The following NFATC3 variants were observed in gnomAD, a reference collection of about 807,000 sequenced individuals.
NFATC3 encodes the protein nuclear factor of activated T-cells, cytoplasmic 3.
A neutral mutation model predicts 98.6 loss-of-function variants in NFATC3; 46 were observed. The ratio of observed to expected loss-of-function variants is 0.47; its 90% CI spans 0.37 to 0.60. The LOEUF is 0.60. NFATC3 is among the 20% of genes least tolerant of loss of function. The pLI is 0.00. For synonymous variants in NFATC3, 512 were observed against 472.2 expected, an observed-to-expected ratio of 1.08 and a Z score of -1.09; for missense variants, 1,256 against 1,295.5, an observed-to-expected ratio of 0.97 and a Z score of 0.47.
intron 1 of NFATC3, 43 bp downstream of exon 1, chr16:68,085,827 T>A: frequency 1.5e-6 from 2 of 1,348,044 alleles, no homozygotes; most frequent in Non-Finnish European, 1.9e-6. Context: ...ACCCCGCTTC[T>A]CGCTCGCAGG....
At chr16:68,166,180 C>A (rs2039184055) in intron 4 of NFATC3, among the ~76,000 whole-genome samples, 1 of 152,204 alleles carries the variant, frequency 6.6e-6, no homozygotes, top group African/African-American at 2.4e-5. Context: ...TTTCAGCTGT[C>A]TGGTTCTAAC....
At chr16:68,186,313 G>A (rs1328192770) in intron 8 of NFATC3, among the ~76,000 whole-genome samples, 1 of 151,950 alleles carries the variant, frequency 6.6e-6, no homozygotes, top group Non-Finnish European at 1.5e-5. Context: ...CACTTTGGGT[G>A]GATCACGAGG....
rs1316415463 is a variant in NFATC3, at chr16:68,126,590, G to C, written c.1381G>C (p.Gly461Arg). 1.2e-6 allele frequency: 2 copies of C among 1,614,130 alleles called. No homozygotes were observed. Among genetic ancestry groups the C allele is most frequent in the Non-Finnish European group, 1.7e-6 (2 of 1,180,012 alleles). Residue 461 changes from glycine to arginine, a missense_variant, in exon 3 of 10, where the codon GGG (glycine) becomes CGG (arginine). Gly to Arg is a moderately radical substitution (Grantham distance 125). This residue lies in a region of NFATC3 where 156 missense variants were observed against 212.4 expected (regional missense o/e 0.73). Transcript: ENST00000346183. ...GSRGAVKAST[G>R]GHPVVKLLGY... ...CCGAGGGGCAGTAAAAGCATCTACT[G>C]GGGGACATCCTGTTGTGAAGGTATG...
chr16:68,226,283 A>T, intron 9 of NFATC3, 67 bp from the exon 10 acceptor site: 1 of 1,513,846 alleles, frequency 6.6e-7, no homozygotes, highest in East Asian at 2.7e-5. Context: ...GGTAGAGCTC[A>T]GCGTTGGGCA....
chr16:68,206,291 A>G (rs1240853303), intron 9 of NFATC3, among the ~76,000 whole-genome samples: 1 of 152,232 alleles, frequency 6.6e-6, no homozygotes, highest in Admixed American at 6.5e-5. Context: ...TGTATAGCTA[A>G]GTGGCATTAA....
chr16:68,087,283 A>C (rs750413627), intron 1 of NFATC3, among the ~76,000 whole-genome samples: 1 of 152,268 alleles, frequency 6.6e-6, no homozygotes, highest in Non-Finnish European at 1.5e-5. Context: ...TGTTAACCAA[A>C]CATATGAATA....
intron 3 of NFATC3, chr16:68,138,466 T>A (rs771925405): frequency 3.0e-4 from 376 of 1,246,910 alleles, no homozygotes; most frequent in Non-Finnish European, 3.6e-4. Context: ...ACCAAAAAAA[T>A]TTTTTAAAAG....
intron 1 of NFATC3, among the ~76,000 whole-genome samples, chr16:68,104,402 A>G (rs528517086): frequency 4.2e-4 from 64 of 152,210 alleles, no homozygotes; most frequent in African/African-American, 1.5e-3. Context: ...GAATTCATTT[A>G]TTAGCTGTAG....
intron 3 of NFATC3, chr16:68,138,884 G>A (rs2037596172): frequency 1.1e-6 from 1 of 890,644 alleles, no homozygotes; most frequent in African/African-American, 1.8e-5. Context: ...TGTTTTGGTT[G>A]AATCCTGGAT....
intron 9 of NFATC3, among the ~76,000 whole-genome samples, chr16:68,219,151 T>C (rs913090010): frequency 5.3e-5 from 8 of 151,524 alleles, no homozygotes; most frequent in Non-Finnish European, 1.0e-4. Flanking sequence ...TTTGGGAGGC[T>C]GAAGCGGGCA....
At chr16:68,154,325 T>C (rs1352846523) in intron 3 of NFATC3, among the ~76,000 whole-genome samples, 2 of 152,142 alleles carry the variant, frequency 1.3e-5, no homozygotes, top group Admixed American at 6.6e-5. Flanking sequence ...TACGAAAATC[T>C]CTTTAGGGCC....
intron 3 of NFATC3, among the ~76,000 whole-genome samples, chr16:68,133,884 T>TA (rs529456671): frequency 2.3e-3 from 339 of 147,212 alleles, no homozygotes; most frequent in South Asian, 4.1e-3. Context: ...CCCTTTTTTT[T>TA]AAAAAAAAAA....
chr16:68,161,094 T>C (rs2038872195), intron 4 of NFATC3, among the ~76,000 whole-genome samples: 2 of 152,222 alleles, frequency 1.3e-5, no homozygotes, highest in African/African-American at 4.8e-5. Flanking sequence ...ACACCAGGCA[T>C]CCTATTGGAC....
chr16:68,138,031 A>T lies in NFATC3; in HGVS notation c.1401+11421A>T, dbSNP rs553561652. On this transcript the variant is annotated intron_variant, in intron 3 of 9. Transcript: ENST00000346183. ...AGTCAGATACTCTTTCTCTTACTTT[A>T]AAAAAAAATTTTTTTTTCTTTGAGA... 2.0e-5 allele frequency among the ~76,000 whole-genome samples: 3 copies of T among 151,970 alleles called. No homozygotes were observed. The East Asian group carries it at 5.8e-4, about 29-fold the overall frequency.
chr16:68,145,573 G>C (rs2038000000), intron 3 of NFATC3, among the ~76,000 whole-genome samples: 2 of 152,126 alleles, frequency 1.3e-5, no homozygotes, highest in South Asian at 4.1e-4. Context: ...GCAACAACTT[G>C]GACAGTTCTC....
Position 68,112,646 on chromosome 16 carries a change from G to GTTT in NFATC3, c.104-9320_104-9318dup, listed in dbSNP as rs914607835. Among the ~76,000 whole-genome samples the GTTT allele has an allele frequency of 4.2e-3, 414 of 97,670 alleles. 4 individuals are homozygous for GTTT. Among genetic ancestry groups the GTTT allele is most frequent in the Non-Finnish European group, 4.9e-3 (258 of 52,420 alleles). The allele number at this position is 97,670 out of a possible 152,430, so 64.1% of individuals were successfully genotyped here. On this transcript the variant is annotated intron_variant, in intron 1 of 9. Transcript: ENST00000346183. Reference sequence around the variant, plus strand: ...CATTTCTTTTCATTTTTTCTTTTTCGTTTTTTTTTTTTTTTTTTTTTTTGA... The same window carrying GTTT: ...CATTTCTTTTCATTTTTTCTTTTTCGTTTTTTTTTTTTTTTTTTTTTTTTTTGA...
intron 1 of NFATC3, among the ~76,000 whole-genome samples, chr16:68,104,943 C>T (rs1025903599): frequency 7.9e-5 from 12 of 152,136 alleles, no homozygotes; most frequent in East Asian, 1.9e-4. Flanking sequence ...CGTGAGCCAC[C>T]GCACCTGGCC....
intron 1 of NFATC3, among the ~76,000 whole-genome samples, chr16:68,092,246 A>G (rs1224923361): frequency 6.6e-6 from 1 of 151,690 alleles, no homozygotes; most frequent in African/African-American, 2.4e-5. Flanking sequence ...ACCTGAGGTC[A>G]GGAGTTCGAG....
intron 3 of NFATC3, among the ~76,000 whole-genome samples, chr16:68,127,332 T>C (rs1334104991): frequency 1.3e-5 from 2 of 152,052 alleles, no homozygotes; most frequent in Non-Finnish European, 2.9e-5. Context: ...TCCAGATAAC[T>C]CTCTGTGTGT....
Sources: gnomAD v4.1 joint callset for allele counts (sites outside exome capture counted in the v4.1 genomes callset) on GRCh38, gnomAD v4.1.1 for gene constraint, gnomAD v4.1.1 regional missense constraint, MANE v1.5 for transcripts, NCBI Gene and HGNC (gene_info 2026-07-23, HGNC 2026-07-21) for gene names.